SAMD13: variants seen among roughly 807,000 people sequenced by gnomAD.
The protein encoded by SAMD13 is sterile alpha motif domain containing 13, also known as sterile alpha motif domain-containing protein 13.
SAMD13 carries 9 observed loss-of-function variants against 12.4 expected under a neutral mutation model. The observed-to-expected ratio is 0.72, with a 90% CI of 0.44 to 1.26. The LOEUF (loss-of-function observed/expected upper bound fraction) is 1.26, where lower values mean the gene tolerates loss of function less well. SAMD13 is among the 50% of genes most tolerant of loss of function. The pLI is 0.00. For missense variants in SAMD13, 84 were observed against 119.6 expected (o/e 0.70, Z 1.39); for synonymous variants, 46 against 45.4 (o/e 1.01, Z -0.05).
upstream of SAMD13, chr1:84,298,551 C>G (rs1218849295): frequency 6.3e-6 from 8 of 1,271,142 alleles, no homozygotes; most frequent in African/African-American, 6.1e-5. Flanking sequence ...AACCTCCCGG[C>G]GCGGCCATGC....
chr1:84,338,544 TCCC>T lies in SAMD13; in HGVS notation c.166-11085_166-11083del, dbSNP rs1170420349. 1.2e-4 allele frequency among the ~76,000 whole-genome samples: 18 copies of T among 151,538 alleles called. No homozygotes were observed. The South Asian group carries it at 1.5e-3, about 12-fold the overall frequency. On this transcript the variant is annotated intron_variant, in intron 3 of 3. Transcript: ENST00000394834. ...CCTCTGCCTCCCGGGTTCAAGTGAT[TCCC>T]CTGCCTCAGCTTCCTCAGTAACTAG...
At chr1:84,306,014 A>C (rs185991696) in intron 2 of SAMD13, among the ~76,000 whole-genome samples, 3 of 152,124 alleles carry the variant, frequency 2.0e-5, no homozygotes, top group African/African-American at 7.2e-5. Flanking sequence ...TTTTTTTTTG[A>C]AAATCTGTTG....
chr1:84,303,413 G>C, intron 2 of SAMD13, 126 bp downstream of exon 2: 1 of 660,444 alleles, frequency 1.5e-6, no homozygotes, highest in Non-Finnish European at 2.6e-6. Context: ...GTCTACACTG[G>C]CCAGCAGCCT....
intron 3 of SAMD13, among the ~76,000 whole-genome samples, chr1:84,336,644 G>C (rs1679300260): frequency 6.6e-6 from 1 of 152,088 alleles, no homozygotes; most frequent in African/African-American, 2.4e-5. Context: ...TTTGGGTGGG[G>C]ACACAGCCAA....
At position 84,350,058 on chromosome 1, in the gene SAMD13, A is replaced by G. The variant is rs552981027; in HGVS notation, c.*284A>G. 41 of 319,288 alleles carry G rather than the reference A, an allele frequency of 1.3e-4. No individual in the cohort carries two copies. The East Asian group carries it at 2.8e-3, about 22-fold the overall frequency. 19.8% of individuals were successfully genotyped at this position (319,288 alleles called of 1,614,324 possible). A position where few individuals can be genotyped will look rare whatever the true frequency, so the allele number is the denominator to read the frequency against. ...TCCTCCCCACAAAGGCTTTGAAATCATAAGGATTTTCCTCATCTCTTTATA... is the reference window on the plus strand; with the variant it reads ...TCCTCCCCACAAAGGCTTTGAAATCGTAAGGATTTTCCTCATCTCTTTATA... On this transcript the variant is annotated 3_prime_UTR_variant, in exon 4 of 4. Transcript: ENST00000394834.
At chr1:84,308,737 A>G (rs1374350718) in intron 2 of SAMD13, among the ~76,000 whole-genome samples, 6 of 152,212 alleles carry the variant, frequency 3.9e-5, no homozygotes, top group Non-Finnish European at 8.8e-5. Context: ...GGCAAAAAGC[A>G]TACGGGATTT....
intron 3 of SAMD13, among the ~76,000 whole-genome samples, chr1:84,331,353 AAAAAATTATGG>A (rs1679179874): frequency 9.6e-6 from 1 of 104,232 alleles, no homozygotes; most frequent in Non-Finnish European, 1.9e-5. Flanking sequence ...AAAAAAAAAA[AAAAAATTATGG>A]ATACAAACTT....
At chr1:84,336,103 T>C (rs1570255628) in intron 3 of SAMD13, among the ~76,000 whole-genome samples, 2 of 152,186 alleles carry the variant, frequency 1.3e-5, no homozygotes, top group African/African-American at 4.8e-5. Context: ...TCTAGCAAGG[T>C]TGGGGAAACT....
chr1:84,333,745 A>C (rs1311958501), intron 3 of SAMD13, among the ~76,000 whole-genome samples: 3 of 151,836 alleles, frequency 2.0e-5, no homozygotes, highest in Admixed American at 1.3e-4. Flanking sequence ...CTAGTTTGTT[A>C]AGGATTTTTA....
rs1440081953 is a variant in SAMD13, at chr1:84,350,537, TGAA to T, written c.*767_*769del. ...GGTTTTATTTATAATAATTTGTTTC[TGAA>T]GAAATTTGCCGAGAGTTACAGGTCA... is the stretch of plus-strand genomic sequence containing the variant. On this transcript the variant is annotated 3_prime_UTR_variant, in exon 4 of 4. Transcript: ENST00000394834. 1.3e-5 allele frequency: 2 copies of T among 152,642 alleles called. No individual in the cohort carries two copies. Among genetic ancestry groups the T allele is most frequent in the Non-Finnish European group, 2.9e-5 (2 of 68,032 alleles). 9.5% of individuals were successfully genotyped at this position (152,642 alleles called of 1,614,324 possible). A position where few individuals can be genotyped will look rare whatever the true frequency, so the allele number is the denominator to read the frequency against.
chr1:84,347,141 C>T (rs1305196139), intron 3 of SAMD13, among the ~76,000 whole-genome samples: 1 of 152,194 alleles, frequency 6.6e-6, no homozygotes, highest in African/African-American at 2.4e-5. Context: ...TTTGGGGAGA[C>T]AGGATTCAGA....
upstream of SAMD13, among the ~76,000 whole-genome samples, chr1:84,300,600 TG>T (rs1249181250): frequency 2.6e-5 from 4 of 152,234 alleles, no homozygotes; most frequent in Non-Finnish European, 2.9e-5. Flanking sequence ...TGAGTGGTTT[TG>T]TTGACCATCT....
intron 3 of SAMD13, among the ~76,000 whole-genome samples, chr1:84,341,572 A>G (rs1341374850): frequency 6.6e-6 from 1 of 152,108 alleles, no homozygotes; most frequent in Non-Finnish European, 1.5e-5. Flanking sequence ...TGTGGGATGG[A>G]CACTGCAAAA....
chr1:84,332,295 T>C (rs980890556), intron 3 of SAMD13, among the ~76,000 whole-genome samples: 28 of 152,326 alleles, frequency 1.8e-4, no homozygotes, highest in African/African-American at 5.8e-4. Context: ...ATTAAGTTCT[T>C]TGAGAAATCA....
chr1:84,338,037 CT>C (rs1291435753), intron 3 of SAMD13, among the ~76,000 whole-genome samples: 12 of 152,184 alleles, frequency 7.9e-5, no homozygotes, highest in African/African-American at 2.9e-4. Flanking sequence ...CAGCCTATAC[CT>C]TATTGTTCAT....
chr1:84,329,938 A>G (rs1394701664), intron 3 of SAMD13, among the ~76,000 whole-genome samples: 7 of 152,136 alleles, frequency 4.6e-5, no homozygotes, highest in African/African-American at 7.2e-5. Flanking sequence ...TCAGCTAGCA[A>G]TCCAAAGGGT....
At chr1:84,315,557 T>G (rs1397735000) in intron 2 of SAMD13, among the ~76,000 whole-genome samples, 1 of 152,168 alleles carries the variant, frequency 6.6e-6, no homozygotes, top group Non-Finnish European at 1.5e-5. Flanking sequence ...TCCCAAGTAG[T>G]TGGAATTATT....
intron 2 of SAMD13, among the ~76,000 whole-genome samples, chr1:84,306,644 C>CAAAAAAAAAAAAAA (rs386367519): frequency 1.6e-5 from 1 of 64,002 alleles, no homozygotes; most frequent in Admixed American, 2.0e-4. Context: ...CTAAAAATAC[C>CAAAAAAAAAAAAAA]AAAAAAAAAA....
intron 3 of SAMD13, among the ~76,000 whole-genome samples, chr1:84,333,370 C>A (rs1029300051): frequency 6.6e-6 from 1 of 152,134 alleles, no homozygotes; most frequent in Admixed American, 6.5e-5. Context: ...TTGTTTGTGT[C>A]ATCTCTGATT....
Sources: allele counts gnomAD v4.1 joint callset (sites outside exome capture counted in the v4.1 genomes callset), GRCh38; gene constraint gnomAD v4.1.1; transcripts MANE v1.5; gene names NCBI Gene and HGNC (gene_info 2026-07-23, HGNC 2026-07-21).